CORIN: variants seen among roughly 807,000 people sequenced by gnomAD.
The protein encoded by CORIN is atrial natriuretic peptide-converting enzyme.
A neutral mutation model predicts 125.3 loss-of-function variants in CORIN; 117 were observed. The ratio of observed to expected loss-of-function variants is 0.93; its 90% CI spans 0.80 to 1.09. The LOEUF (loss-of-function observed/expected upper bound fraction) is 1.09, where lower values mean the gene tolerates loss of function less well. CORIN is among the 50% of genes least tolerant of loss of function. The probability of loss-of-function intolerance (pLI) is 0.00; values close to 1 mark genes in which losing one functional copy is unlikely to be tolerated. For synonymous variants in CORIN, 450 were observed against 466.4 expected (o/e 0.96, Z 0.45); for missense variants, 1,253 against 1,306.7 (o/e 0.96, Z 0.63).
chr4:47,761,464 C>T (rs1049519355), intron 4 of CORIN, among the ~76,000 whole-genome samples: 3 of 149,308 alleles, frequency 2.0e-5, no homozygotes, highest in South Asian at 2.1e-4. Flanking sequence ...CCAATGAATG[C>T]ATAAAGAAAA....
At chr4:47,709,409 T>C (rs1362297452) in intron 5 of CORIN, among the ~76,000 whole-genome samples, 2 of 152,078 alleles carry the variant, frequency 1.3e-5, no homozygotes, top group Non-Finnish European at 2.9e-5. Context: ...TCTTCCTACC[T>C]CAGTCCCCAA....
chr4:47,703,301 T>C (rs1366030807), intron 5 of CORIN, among the ~76,000 whole-genome samples: 1 of 152,186 alleles, frequency 6.6e-6, no homozygotes, highest in Non-Finnish European at 1.5e-5. Flanking sequence ...AAAACCTAGC[T>C]ACTTCTGAAC....
At chr4:47,766,870 C>T (rs1190519028) in intron 3 of CORIN, among the ~76,000 whole-genome samples, 3 of 146,030 alleles carry the variant, frequency 2.1e-5, no homozygotes, top group Admixed American at 7.0e-5. Flanking sequence ...TGCTTAAACT[C>T]GGGAGGCGGA....
At chr4:47,655,429 T>A (rs1723927315) in intron 12 of CORIN, among the ~76,000 whole-genome samples, 1 of 151,674 alleles carries the variant, frequency 6.6e-6, no homozygotes, top group Non-Finnish European at 1.5e-5. Context: ...GTGCCCTGAG[T>A]CAGAGGGGAG....
chr4:47,689,045 T>C (rs1341534944), intron 6 of CORIN, among the ~76,000 whole-genome samples: 4 of 152,186 alleles, frequency 2.6e-5, no homozygotes, highest in African/African-American at 4.8e-5. Context: ...GCTTTTAAAA[T>C]TGTTGTGCAT....
At position 47,817,269 on chromosome 4, in the gene CORIN, T is replaced by C. The variant is rs115016669; in HGVS notation, c.64-10222A>G. The stretch of plus-strand genomic sequence containing the variant: ...AATGTATTAAGTCCTTTAAAACATA[T>C]ACTACTAACTATATATATATAACAA... On this transcript the variant is annotated intron_variant, in intron 1 of 21. Transcript: ENST00000273857. Among the ~76,000 whole-genome samples the C allele has an allele frequency of 8.5e-3, 1,250 of 146,204 alleles. 14 individuals carry two copies. The highest frequency in any genetic ancestry group is 0.03 in the African/African-American group (1,170 of 39,336).
chr4:47,610,858 C>T (rs1157668139), intron 19 of CORIN, among the ~76,000 whole-genome samples: 1 of 152,126 alleles, frequency 6.6e-6, no homozygotes, highest in Non-Finnish European at 1.5e-5. Context: ...AATCTTTTCC[C>T]CATTGCTTGT....
chr4:47,649,146 C>T (rs71614003), intron 13 of CORIN, among the ~76,000 whole-genome samples: 320 of 152,326 alleles, frequency 2.1e-3, no homozygotes, highest in Non-Finnish European at 3.7e-3. Context: ...CCACTCTTAG[C>T]AGTGCCATTG....
chr4:47,837,537 C>T, intron 1 of CORIN: 1 of 399,880 alleles, frequency 2.5e-6, no homozygotes, highest in Non-Finnish European at 4.6e-6. Flanking sequence ...GCTTGGAGGG[C>T]ACCGTGCGGA....
rs188170920 is a variant in CORIN at position 47,659,271 on chromosome 4, C to A, written c.1735+2440G>T. Among the ~76,000 whole-genome samples the A allele has an allele frequency of 7.2e-4, 109 of 152,358 alleles. 1 individual carries two copies. The East Asian group carries it at 0.019, about 27-fold the overall frequency. On this transcript the variant is annotated intron_variant, in intron 12 of 21. Coordinates refer to ENST00000273857, the MANE Select transcript of CORIN (RefSeq NM_006587.4). ...TTCTGAGCTCTCCAAACTCTTCCAA[C>A]CCCTGCCTGTTACCCGGTTCCAAAG...
In CORIN at chr4:47,718,858, T is replaced by C. The variant is rs558067939; in HGVS notation, c.799+25544A>G. On this transcript the variant is annotated intron_variant, in intron 5 of 21. Transcript: ENST00000273857. ...TTAAAAGATGAGTCTGTTGAGTCAT[T>C]ACCCACAACTCCTATGGGTCCCAAG... is the stretch of plus-strand genomic sequence containing the variant. 7.2e-5 allele frequency among the ~76,000 whole-genome samples: 11 copies of C among 152,300 alleles called. 1 individual carries two copies. In the South Asian group the frequency reaches 1.9e-3, roughly 26 times the overall value.
At chr4:47,756,663 T>C (rs1467720835) in intron 4 of CORIN, among the ~76,000 whole-genome samples, 2 of 152,214 alleles carry the variant, frequency 1.3e-5, no homozygotes, top group South Asian at 2.1e-4. Flanking sequence ...TTTTATAAAA[T>C]TGCTCTAGAT....
At chr4:47,824,111 T>C (rs1390087181) in intron 1 of CORIN, among the ~76,000 whole-genome samples, 1 of 149,252 alleles carries the variant, frequency 6.7e-6, no homozygotes, top group Non-Finnish European at 1.5e-5. Flanking sequence ...CAATCAATGC[T>C]ATTCCTTTTT....
At chr4:47,768,804 G>C (rs548332559) in intron 3 of CORIN, among the ~76,000 whole-genome samples, 2 of 152,170 alleles carry the variant, frequency 1.3e-5, no homozygotes, top group Non-Finnish European at 2.9e-5. Context: ...AACAAATTAG[G>C]TATAGAAGAA....
chr4:47,667,001 T>G (rs907379992), intron 10 of CORIN, among the ~76,000 whole-genome samples: 1 of 152,172 alleles, frequency 6.6e-6, no homozygotes, highest in Non-Finnish European at 1.5e-5. Context: ...CATCTTGAAT[T>G]GTAGCTCCCA....
chr4:47,692,150 G>A (rs1725802066), intron 6 of CORIN, among the ~76,000 whole-genome samples: 1 of 152,176 alleles, frequency 6.6e-6, no homozygotes, highest in Non-Finnish European at 1.5e-5. Flanking sequence ...TTCCCATAAG[G>A]AGTGAAACAC....
chr4:47,609,191 A>C (rs1721774231), intron 19 of CORIN, among the ~76,000 whole-genome samples: 1 of 152,038 alleles, frequency 6.6e-6, no homozygotes, highest in African/African-American at 2.4e-5. Context: ...AATCTTAGGA[A>C]TCTCTTACTT....
At chr4:47,805,392 G>A (rs1333849530) in intron 2 of CORIN, among the ~76,000 whole-genome samples, 1 of 151,966 alleles carries the variant, frequency 6.6e-6, no homozygotes, top group Admixed American at 6.6e-5. Context: ...AAATCCAGGA[G>A]TCAGCCTTGA....
At chr4:47,699,780 T>C (rs914941831) in intron 5 of CORIN, among the ~76,000 whole-genome samples, 1 of 152,216 alleles carries the variant, frequency 6.6e-6, no homozygotes, top group Non-Finnish European at 1.5e-5. Flanking sequence ...TACAGTGTGA[T>C]GCTCACTCAA....
Sources: gnomAD v4.1 joint callset for allele counts (sites outside exome capture counted in the v4.1 genomes callset) on GRCh38, gnomAD v4.1.1 for gene constraint, MANE v1.5 for transcripts, NCBI Gene and HGNC (gene_info 2026-07-23, HGNC 2026-07-21) for gene names.